The following TMC1 variants were observed in gnomAD, a reference collection of about 807,000 sequenced individuals.
TMC1 encodes transmembrane channel-like protein 1.
Under a neutral mutation model 105.8 loss-of-function variants are expected in TMC1, and 84 were observed. The observed-to-expected ratio is 0.79, with a 90% CI of 0.67 to 0.95. The LOEUF (loss-of-function observed/expected upper bound fraction) is 0.95. Among genes scored for constraint, TMC1 ranks in the 40% least tolerant of loss-of-function variants. The pLI is 0.00. For synonymous variants in TMC1, 315 were observed against 311.5 expected, an observed-to-expected ratio of 1.01 and a Z score of -0.12; for missense variants, 817 against 914.1, an observed-to-expected ratio of 0.89 and a Z score of 1.37.
intron 5 of TMC1, among the ~76,000 whole-genome samples, chr9:72,677,595 A>G (rs888536601): frequency 6.6e-6 from 1 of 152,148 alleles, no homozygotes; most frequent in African/African-American, 2.4e-5. Context: ...AGTGCTCCAT[A>G]TATATTTACT....
intron 5 of TMC1, among the ~76,000 whole-genome samples, chr9:72,655,239 G>A (rs1283145295): frequency 6.6e-6 from 1 of 152,100 alleles, no homozygotes; most frequent in African/African-American, 2.4e-5. Context: ...AGTTTCATGA[G>A]GTCTCCCCAG....
intron 1 of TMC1, among the ~76,000 whole-genome samples, chr9:72,534,840 A>C (rs1823552659): frequency 6.6e-6 from 1 of 152,236 alleles, no homozygotes; most frequent in African/African-American, 2.4e-5. Flanking sequence ...AAGAAGTCCA[A>C]AACCCAATAA....
intron 1 of TMC1, among the ~76,000 whole-genome samples, chr9:72,548,845 A>G (rs1823814288): frequency 1.3e-5 from 2 of 152,080 alleles, no homozygotes; most frequent in Admixed American, 6.6e-5. Context: ...AAAACCACTC[A>G]TTTTTGTCAA....
At position 72,819,553 on chromosome 9, in the gene TMC1, A is replaced by G. The variant is rs145043001; in HGVS notation, c.1764-1289A>G. ...CTACAAAGTCTTTGTTCAATTCATT[A>G]TGGTAAAATATCATTCGTATCTATT... On this transcript the variant is annotated intron_variant, in intron 19 of 23. Coordinates refer to ENST00000297784, the MANE Select transcript of TMC1 (RefSeq NM_138691.3). Among the ~76,000 whole-genome samples, 227 of 152,330 alleles carry G rather than the reference A, an allele frequency of 1.5e-3. 1 individual carries two copies. Among genetic ancestry groups the G allele is most frequent in the African/African-American group, 5.2e-3 (218 of 41,582 alleles).
chr9:72,679,118 C>T (rs1826250073), intron 5 of TMC1, among the ~76,000 whole-genome samples: 1 of 152,054 alleles, frequency 6.6e-6, no homozygotes, highest in African/African-American at 2.4e-5. Context: ...TTCAGTTTGC[C>T]CCTGCTATTC....
At chr9:72,739,586 T>C (rs752872369) in intron 8 of TMC1, among the ~76,000 whole-genome samples, 2 of 152,230 alleles carry the variant, frequency 1.3e-5, no homozygotes, top group Non-Finnish European at 2.9e-5. Context: ...TTTCTCTCTC[T>C]TTCTCTTCTC....
At chr9:72,549,967 C>T (rs544459490) in intron 1 of TMC1, among the ~76,000 whole-genome samples, 17 of 151,604 alleles carry the variant, frequency 1.1e-4, no homozygotes, top group African/African-American at 4.1e-4. Context: ...AGGCTGGTCT[C>T]GAGCTCCGGA....
At chr9:72,665,074 A>C (rs1333524596) in intron 5 of TMC1, among the ~76,000 whole-genome samples, 2 of 152,188 alleles carry the variant, frequency 1.3e-5, no homozygotes, top group African/African-American at 2.4e-5. Context: ...ACATGTCTGC[A>C]AGGGGTATCA....
intron 8 of TMC1, among the ~76,000 whole-genome samples, chr9:72,723,578 G>A (rs1206561944): frequency 6.6e-6 from 1 of 152,168 alleles, no homozygotes; most frequent in East Asian, 1.9e-4. Context: ...TGTTATGAGT[G>A]CTTAGCAAAT....
intron 1 of TMC1, among the ~76,000 whole-genome samples, chr9:72,539,429 A>C (rs186419623): frequency 5.5e-4 from 83 of 151,946 alleles, no homozygotes; most frequent in African/African-American, 1.9e-3. Flanking sequence ...AACAAAACAA[A>C]ATTTCCGCCA....
chr9:72,824,580 G>A (rs571631173), intron 20 of TMC1, among the ~76,000 whole-genome samples: 2 of 152,112 alleles, frequency 1.3e-5, no homozygotes, highest in Admixed American at 6.5e-5. Flanking sequence ...AAGTCAGGCC[G>A]ACTCTTCCCC....
chr9:72,820,720 T>A, intron 19 of TMC1, 122 bp from the exon 20 acceptor site: 1 of 1,232,666 alleles, frequency 8.1e-7, no homozygotes. Context: ...GTTTGTCTGG[T>A]TGAAAGTGGC....
At chr9:72,831,856 G>T (rs1405782517) in intron 23 of TMC1, among the ~76,000 whole-genome samples, 1 of 151,862 alleles carries the variant, frequency 6.6e-6, no homozygotes, top group African/African-American at 2.4e-5. Flanking sequence ...ATTTGGGTTG[G>T]TTCCAAGTCT....
chr9:72,602,571 C>T (rs1034210199), intron 2 of TMC1, among the ~76,000 whole-genome samples: 4 of 152,010 alleles, frequency 2.6e-5, no homozygotes, highest in Non-Finnish European at 4.4e-5. Flanking sequence ...GATGGGGTTT[C>T]ACCATGTTGG....
In TMC1 at chr9:72,637,119, A is replaced by G. The variant is rs1160392554; in HGVS notation, c.-53+9056A>G. Among the ~76,000 whole-genome samples the G allele has an allele frequency of 7.9e-5, 12 of 152,012 alleles. No homozygotes were observed. The East Asian group carries it at 2.3e-3, about 29-fold the overall frequency. On this transcript the variant is annotated intron_variant, in intron 4 of 23. Coordinates refer to ENST00000297784, the MANE Select transcript of TMC1 (RefSeq NM_138691.3). ...CGGGCAAAAATGTCAGCAGCCCCGT[A>G]TGGTTTTCAAAATCATTTCAGATAT...
chr9:72,543,952 CT>C (rs1554710174), intron 1 of TMC1, among the ~76,000 whole-genome samples: 37 of 134,364 alleles, frequency 2.8e-4, no homozygotes, highest in Admixed American at 5.4e-4. Flanking sequence ...TTCTTTCTTT[CT>C]TTTTTTTTTT....
intron 3 of TMC1, among the ~76,000 whole-genome samples, chr9:72,617,738 C>T (rs759981710): frequency 2.0e-5 from 3 of 152,130 alleles, no homozygotes; most frequent in East Asian, 1.9e-4. Flanking sequence ...GTCCACTAAT[C>T]GAGACTGTGT....
intron 1 of TMC1, among the ~76,000 whole-genome samples, chr9:72,551,507 T>C (rs1225483632): frequency 1.3e-5 from 2 of 152,134 alleles, no homozygotes; most frequent in Non-Finnish European, 2.9e-5. Context: ...GCCAGAATCG[T>C]GGAAGCAGAT....
intron 1 of TMC1, among the ~76,000 whole-genome samples, chr9:72,564,333 T>G (rs1824110490): frequency 6.6e-6 from 1 of 152,238 alleles, no homozygotes; most frequent in African/African-American, 2.4e-5. Flanking sequence ...AACTTTATCC[T>G]GAACACATGT....
Sources: gnomAD v4.1 joint callset for allele counts (sites outside exome capture counted in the v4.1 genomes callset) on GRCh38, gnomAD v4.1.1 for gene constraint, MANE v1.5 for transcripts, NCBI Gene and HGNC (gene_info 2026-07-23, HGNC 2026-07-21) for gene names.